The following FMNL3 variants were observed in gnomAD, a reference collection of about 807,000 sequenced individuals.
FMNL3 encodes the protein formin like 3, also known as formin-like protein 3.
FMNL3 carries 57 observed loss-of-function variants against 119.6 expected under a neutral mutation model. The ratio of observed to expected loss-of-function variants is 0.48; its 90% CI spans 0.39 to 0.59. FMNL3 has a LOEUF of 0.59. FMNL3 is among the 20% of genes least tolerant of loss of function. The pLI, the probability that FMNL3 is intolerant of heterozygous loss-of-function variation, is 0.00. For synonymous variants in FMNL3, 491 were observed against 507.3 expected (o/e 0.97, Z 0.43); for missense variants, 1,053 against 1,323.5 (o/e 0.80, Z 3.17).
chr12:49,657,812 G>A (rs1943615352), intron 6 of FMNL3, among the ~76,000 whole-genome samples: 1 of 152,216 alleles, frequency 6.6e-6, no homozygotes, highest in Non-Finnish European at 1.5e-5. Context: ...CCACAAGAGA[G>A]ACAGAAACCA....
chr12:49,705,595 G>GT (rs1338165852), intron 1 of FMNL3, among the ~76,000 whole-genome samples: 13 of 152,128 alleles, frequency 8.5e-5, no homozygotes, highest in Admixed American at 8.5e-4. Context: ...TTCCCCAACA[G>GT]TTGGGCTCTT....
At chr12:49,700,651 G>A (rs1944881991) in intron 1 of FMNL3, among the ~76,000 whole-genome samples, 1 of 142,194 alleles carries the variant, frequency 7.0e-6, no homozygotes, top group Non-Finnish European at 1.5e-5. Context: ...GGAAGCAGAG[G>A]TTACAGTGAG....
intron 1 of FMNL3, among the ~76,000 whole-genome samples, chr12:49,676,636 TAATA>T (rs1343338294): frequency 6.6e-6 from 1 of 151,336 alleles, no homozygotes; most frequent in East Asian, 1.9e-4. Context: ...TGCAGGTGCT[TAATA>T]AATAAGTGAT....
intron 1 of FMNL3, among the ~76,000 whole-genome samples, chr12:49,702,088 G>C (rs1240704489): frequency 6.6e-6 from 1 of 152,042 alleles, no homozygotes; most frequent in Non-Finnish European, 1.5e-5. Flanking sequence ...AGAATCACTT[G>C]AGCCTAGGAG....
intron 1 of FMNL3, among the ~76,000 whole-genome samples, chr12:49,694,818 A>C (rs934684638): frequency 6.6e-6 from 1 of 152,032 alleles, no homozygotes; most frequent in Non-Finnish European, 1.5e-5. Context: ...AGGCTGAGGC[A>C]GGAGAATTGC....
intron 11 of FMNL3, 127 bp from the exon 12 acceptor site, chr12:49,654,001 T>A: frequency 2.9e-6 from 4 of 1,369,090 alleles, no homozygotes; most frequent in Non-Finnish European, 3.9e-6. Context: ...CTGCAGGCCA[T>A]GTCAGATTCT....
At chr12:49,671,860 G>A (rs913321477) in intron 1 of FMNL3, among the ~76,000 whole-genome samples, 6 of 152,180 alleles carry the variant, frequency 3.9e-5, no homozygotes, top group Admixed American at 2.0e-4. Context: ...CAGAAAGGAG[G>A]CAGTGGCTGT....
intron 25 of FMNL3, chr12:49,646,680 A>T (rs1187108594): frequency 6.5e-7 from 1 of 1,536,408 alleles, no homozygotes; most frequent in Non-Finnish European, 8.7e-7. Context: ...TTGACTCATC[A>T]TGGTGGGCTG....
intron 2 of FMNL3, among the ~76,000 whole-genome samples, chr12:49,666,651 C>T (rs932012457): frequency 6.6e-6 from 1 of 151,974 alleles, no homozygotes; most frequent in African/African-American, 2.4e-5. Flanking sequence ...AAAAAATTAG[C>T]CAGGCATGGT....
chr12:49,688,341 A>G (rs1944519896), intron 1 of FMNL3: 4 of 452,546 alleles, frequency 8.8e-6, no homozygotes, highest in Non-Finnish European at 1.8e-5. Context: ...AGCAGACAAG[A>G]GAACTCTTAA....
At position 49,642,482 on chromosome 12, in the gene FMNL3, C is replaced by T; in HGVS notation, c.*3333G>A. On this transcript the variant is annotated 3_prime_UTR_variant, in exon 26 of 26. Transcript: ENST00000335154. The surrounding 1 kb of genome is among the most constrained non-coding windows in gnomAD (Gnocchi z 5.8). ...ACAGCCCTGGGCCAGCTCCAGTTCCCTTCCTTTCTCTGCCCCAGCCCTGCC... is the reference window on the plus strand; with the variant it reads ...ACAGCCCTGGGCCAGCTCCAGTTCCTTTCCTTTCTCTGCCCCAGCCCTGCC... 3.2e-6 allele frequency: 5 copies of T among 1,575,514 alleles called. No individual in the cohort carries two copies. The highest frequency in any genetic ancestry group is 1.1e-5 in the South Asian group (1 of 89,502).
Position 49,638,298 on chromosome 12 carries a change from CCAGGAAACTT to C in FMNL3, c.*7507_*7516del, listed in dbSNP as rs1942125219. 1 of 153,606 alleles carries C rather than the reference CCAGGAAACTT, an allele frequency of 6.5e-6. No homozygotes were observed. The highest frequency in any genetic ancestry group is 2.4e-5 in the African/African-American group (1 of 41,464). 9.5% of individuals were successfully genotyped at this position (153,606 alleles called of 1,614,324 possible). On this transcript the variant is annotated 3_prime_UTR_variant, in exon 26 of 26. Transcript: ENST00000335154. ...GGAATTTGTTGCTAACATTTTAAAACCAGGAAACTTCACATAGAAAATCTGAATCTTTAGC... is the reference window on the plus strand; with the variant it reads ...GGAATTTGTTGCTAACATTTTAAAACCACATAGAAAATCTGAATCTTTAGC...
Position 49,707,218 on chromosome 12 carries a change from T to TC in FMNL3, c.-39dup. The TC allele has an allele frequency of 6.8e-7, 1 of 1,465,050 alleles. No homozygotes were observed. Among genetic ancestry groups the TC allele is most frequent in the Non-Finnish European group, 9.0e-7 (1 of 1,114,082 alleles). 90.8% of individuals were successfully genotyped at this position (1,465,050 alleles called of 1,614,324 possible). ...CCCTCAGGGGCCTCGGCCCCCCACC[T>TC]CCACGCTCCGGAGCTTTCGGCTCCG... On this transcript the variant is annotated 5_prime_UTR_variant, in exon 1 of 26. Coordinates refer to ENST00000335154, the MANE Select transcript of FMNL3 (RefSeq NM_175736.5).
intron 1 of FMNL3, among the ~76,000 whole-genome samples, chr12:49,687,269 T>A (rs1944490622): frequency 6.9e-6 from 1 of 144,846 alleles, no homozygotes; most frequent in Admixed American, 6.8e-5. Context: ...AATTTTTGTA[T>A]TTTTAGTAGA....
At chr12:49,685,821 C>A (rs761695722) in intron 1 of FMNL3, among the ~76,000 whole-genome samples, 2 of 152,196 alleles carry the variant, frequency 1.3e-5, no homozygotes, top group Non-Finnish European at 2.9e-5. Context: ...AATCCCAGCA[C>A]TTTGGGAGGC....
intron 4 of FMNL3, among the ~76,000 whole-genome samples, chr12:49,663,643 C>T (rs1943802661): frequency 6.6e-6 from 1 of 152,242 alleles, no homozygotes; most frequent in African/African-American, 2.4e-5. Flanking sequence ...GGTCCAGGAC[C>T]TCTAACTTGT....
intron 21 of FMNL3, 89 bp from the exon 22 acceptor site, chr12:49,648,442 C>G: frequency 7.1e-7 from 1 of 1,407,580 alleles, no homozygotes; most frequent in Non-Finnish European, 9.5e-7. Flanking sequence ...GGCCCTCCCC[C>G]TCAGCATGGG....
At chr12:49,654,116 T>C in intron 11 of FMNL3, 76 bp downstream of exon 11, 6 of 1,416,562 alleles carry the variant, frequency 4.2e-6, no homozygotes, top group South Asian at 2.4e-5. Context: ...TAGGCACTTA[T>C]AAAAGAAAAA....
At chr12:49,681,869 T>C (rs1000650161) in intron 1 of FMNL3, among the ~76,000 whole-genome samples, 7 of 152,144 alleles carry the variant, frequency 4.6e-5, no homozygotes, top group Middle Eastern at 3.4e-3. Flanking sequence ...GGGAAAGTTA[T>C]GAAACTTCTT....
Sources: gnomAD v4.1 joint callset for allele counts (sites outside exome capture counted in the v4.1 genomes callset) on GRCh38, gnomAD v4.1.1 for gene constraint, Gnocchi (gnomAD v3.1) non-coding constraint, MANE v1.5 for transcripts, NCBI Gene and HGNC (gene_info 2026-07-23, HGNC 2026-07-21) for gene names.